Variants in PCDH15 observed in about 807,000 individuals in gnomAD.
The protein encoded by PCDH15 is protocadherin-15.
PCDH15 carries 129 observed loss-of-function variants against 178.5 expected under a neutral mutation model. That is an observed-to-expected ratio of 0.72 (90% CI 0.63 to 0.84). PCDH15 has a LOEUF of 0.84. Among genes scored for constraint, PCDH15 ranks in the 40% least tolerant of loss-of-function variants. The pLI is 0.00. For synonymous variants in PCDH15, 800 were observed against 732.0 expected (o/e 1.09, Z -1.50); for missense variants, 2,230 against 2,099.9 (o/e 1.06, Z -1.21).
chr10:53,983,344 T>TA (rs2090831093), intron 21 of PCDH15, among the ~76,000 whole-genome samples: 1 of 148,402 alleles, frequency 6.7e-6, no homozygotes, highest in South Asian at 2.1e-4. Flanking sequence ...AAGGTATCCT[T>TA]AAAGGACAAA....
At chr10:54,532,292 A>G (rs1202318144) in intron 2 of PCDH15, among the ~76,000 whole-genome samples, 1 of 152,144 alleles carries the variant, frequency 6.6e-6, no homozygotes, top group Non-Finnish European at 1.5e-5. Context: ...CTAGAATGTA[A>G]ACTAACATAT....
chr10:54,927,623 T>C (rs1024378523), intron 2 of PCDH15, among the ~76,000 whole-genome samples: 1 of 152,156 alleles, frequency 6.6e-6, no homozygotes, highest in Non-Finnish European at 1.5e-5. Context: ...TGCTCCTGTA[T>C]TGGGTACATA....
chr10:54,979,570 G>A (rs952286828), intron 2 of PCDH15, among the ~76,000 whole-genome samples: 1 of 150,280 alleles, frequency 6.7e-6, no homozygotes, highest in South Asian at 2.1e-4. Flanking sequence ...TAGGGAGACT[G>A]AGGCAGGAGA....
intron 2 of PCDH15, among the ~76,000 whole-genome samples, chr10:55,561,493 T>G (rs1842198819): frequency 6.6e-6 from 1 of 151,860 alleles, no homozygotes; most frequent in Admixed American, 6.6e-5. Flanking sequence ...ATAATAATAT[T>G]TTTTCAGGTG....
rs542118474 is a variant in PCDH15 at position 53,825,388 on chromosome 10, C to A, written c.4367+2005G>T. ...CACAGAAAATTGTATCTAATAAAGTCTGTTTACTATACATAGATAAAAATT... is the reference window on the plus strand; with the variant it reads ...CACAGAAAATTGTATCTAATAAAGTATGTTTACTATACATAGATAAAAATT... On this transcript the variant is annotated intron_variant, in intron 32 of 37. Transcript: ENST00000644397. Among the ~76,000 whole-genome samples, 4 of 136,574 alleles carry A rather than the reference C, an allele frequency of 2.9e-5. No individual in the cohort carries two copies. The East Asian group carries it at 1.1e-3, about 39-fold the overall frequency. 89.6% of individuals were successfully genotyped at this position (136,574 alleles called of 152,430 possible). A position where few individuals can be genotyped will look rare whatever the true frequency, so the allele number is the denominator to read the frequency against.
At chr10:55,263,719 T>A (rs1401849516) in intron 1 of PCDH15, among the ~76,000 whole-genome samples, 1 of 134,602 alleles carries the variant, frequency 7.4e-6, no homozygotes, top group South Asian at 2.5e-4. Flanking sequence ...AACTGTATTT[T>A]TTAATTTATT....
chr10:54,875,693 C>T (rs755361745), intron 3 of PCDH15, among the ~76,000 whole-genome samples: 1 of 152,116 alleles, frequency 6.6e-6, no homozygotes, highest in Non-Finnish European at 1.5e-5. Flanking sequence ...GTCAAAGCCT[C>T]ATCCAGAATA....
At chr10:54,277,866 T>TA (rs1332544521) in intron 8 of PCDH15, among the ~76,000 whole-genome samples, 1 of 148,820 alleles carries the variant, frequency 6.7e-6, no homozygotes, top group Non-Finnish European at 1.5e-5. Flanking sequence ...GAAGCCAATA[T>TA]AATACATCAA....
intron 2 of PCDH15, among the ~76,000 whole-genome samples, chr10:55,618,120 A>AT (rs1003653624): frequency 1.3e-5 from 2 of 151,852 alleles, no homozygotes; most frequent in Admixed American, 6.6e-5. Flanking sequence ...AGAATCCAGG[A>AT]TTTTTTTTCT....
At chr10:53,851,253 T>G (rs2078336351) in intron 28 of PCDH15, among the ~76,000 whole-genome samples, 1 of 152,014 alleles carries the variant, frequency 6.6e-6, no homozygotes, top group Admixed American at 6.6e-5. Flanking sequence ...ACTTGATACT[T>G]GTATTTATCT....
At chr10:55,607,236 A>G (rs1843242314) in intron 2 of PCDH15, among the ~76,000 whole-genome samples, 2 of 151,862 alleles carry the variant, frequency 1.3e-5, no homozygotes, top group South Asian at 4.2e-4. Context: ...ATCATTAAAA[A>G]GTCAGGAAAC....
At chr10:54,715,974 C>G (rs11004474) in intron 1 of PCDH15, among the ~76,000 whole-genome samples, 18,549 of 152,088 alleles carry the variant, frequency 0.12, 1,262 homozygotes, top group African/African-American at 0.17. Context: ...GAATTTGGAG[C>G]ACTCACTCTT....
intron 2 of PCDH15, among the ~76,000 whole-genome samples, chr10:55,033,712 G>A (rs1162616871): frequency 1.3e-5 from 2 of 152,144 alleles, no homozygotes; most frequent in African/African-American, 4.8e-5. Context: ...CAAGTAAAGA[G>A]TTTTTGGAGC....
In PCDH15 at chr10:53,909,886, C is replaced by T. The variant is rs190741158; in HGVS notation, c.3374-6516G>A. 3.3e-4 allele frequency among the ~76,000 whole-genome samples: 51 copies of T among 152,336 alleles called. No homozygotes were observed. The East Asian group carries it at 9.3e-3, about 28-fold the overall frequency. On this transcript the variant is annotated intron_variant, in intron 25 of 37. Coordinates refer to ENST00000644397, the MANE Select transcript of PCDH15 (RefSeq NM_001384140.1). ...CCTGGCTCAGTGAGTCCCATGCCCA[C>T]GAAGCCTTGCTCACTGCTAGTGCAG...
intron 15 of PCDH15, among the ~76,000 whole-genome samples, chr10:54,125,318 C>T (rs551436096): frequency 6.6e-6 from 1 of 152,188 alleles, no homozygotes; most frequent in African/African-American, 2.4e-5. Flanking sequence ...AGCATCAGAG[C>T]GAGTCACCTC....
chr10:53,817,805 A>G lies in PCDH15; in HGVS notation c.4452+190T>C, dbSNP rs530879936. ...TAAGCAAGTGATCTTTGACCATTGA[A>G]TAAGAGATTTAAAACCTTAAAACAG... On this transcript the variant is annotated intron_variant, in intron 34 of 37. Transcript: ENST00000644397. Among the ~76,000 whole-genome samples the G allele has an allele frequency of 1.7e-4, 26 of 152,304 alleles. No homozygotes were observed. In the East Asian group the frequency reaches 3.3e-3, roughly 19 times the overall value.
chr10:55,453,726 C>A (rs1037744003), intron 2 of PCDH15, among the ~76,000 whole-genome samples: 7 of 152,104 alleles, frequency 4.6e-5, no homozygotes, highest in African/African-American at 1.7e-4. Flanking sequence ...ACTGCAAACA[C>A]TCTCCCAATT....
chr10:54,440,839 T>C (rs1457852032), intron 3 of PCDH15, among the ~76,000 whole-genome samples: 1 of 151,952 alleles, frequency 6.6e-6, no homozygotes, highest in African/African-American at 2.4e-5. Flanking sequence ...AAAGACAAGA[T>C]AAAACACAAA....
chr10:54,819,024 A>C (rs1415053778), intron 3 of PCDH15, among the ~76,000 whole-genome samples: 1 of 152,008 alleles, frequency 6.6e-6, no homozygotes, highest in Non-Finnish European at 1.5e-5. Flanking sequence ...TCTGGGGCTC[A>C]AGAAATTCTC....
Sources: gnomAD v4.1 joint callset for allele counts (sites outside exome capture counted in the v4.1 genomes callset) on GRCh38, gnomAD v4.1.1 for gene constraint, MANE v1.5 for transcripts, NCBI Gene and HGNC (gene_info 2026-07-23, HGNC 2026-07-21) for gene names.